The following UNC5D variants were observed in gnomAD, a reference collection of about 807,000 sequenced individuals.
The protein encoded by UNC5D is netrin receptor UNC5D.
A neutral mutation model predicts 105.4 loss-of-function variants in UNC5D; 39 were observed. That is an observed-to-expected ratio of 0.37 (90% CI 0.29 to 0.48). UNC5D has a LOEUF of 0.48. UNC5D is among the 20% of genes least tolerant of loss of function. The probability of loss-of-function intolerance (pLI) is 0.98; values close to 1 mark genes in which losing one functional copy is unlikely to be tolerated. For missense variants in UNC5D, 991 were observed against 1,202.4 expected, an observed-to-expected ratio of 0.82 and a Z score of 2.60; for synonymous variants, 452 against 450.4, an observed-to-expected ratio of 1.00 and a Z score of -0.04.
At chr8:35,609,272 A>T (rs761605761) in intron 4 of UNC5D, among the ~76,000 whole-genome samples, 1 of 152,158 alleles carries the variant, frequency 6.6e-6, no homozygotes, top group Non-Finnish European at 1.5e-5. Context: ...GTATAACATC[A>T]TCTTAATGTG....
At chr8:35,672,245 A>G (rs1311833596) in intron 4 of UNC5D, among the ~76,000 whole-genome samples, 1 of 152,208 alleles carries the variant, frequency 6.6e-6, no homozygotes, top group Non-Finnish European at 1.5e-5. Flanking sequence ...GGTAACAGGA[A>G]CAAGAAATGA....
rs377021140 is a variant in UNC5D, at chr8:35,504,313, C to T, written c.104-44979C>T. Among the ~76,000 whole-genome samples the T allele has an allele frequency of 5.3e-5, 8 of 152,150 alleles. No homozygotes were observed. In the South Asian group the frequency reaches 1.7e-3, roughly 32 times the overall value. On this transcript the variant is annotated intron_variant, in intron 1 of 16. Coordinates refer to ENST00000404895, the MANE Select transcript of UNC5D (RefSeq NM_080872.4). ...TTGTAATTTGAAAAAATGACAGCCTCATAGCTATGTGAGGCTAATTAAAAG... is the reference window on the plus strand; with the variant it reads ...TTGTAATTTGAAAAAATGACAGCCTTATAGCTATGTGAGGCTAATTAAAAG...
chr8:35,462,373 T>G (rs892682478), intron 1 of UNC5D, among the ~76,000 whole-genome samples: 8 of 152,184 alleles, frequency 5.3e-5, no homozygotes, highest in Non-Finnish European at 1.0e-4. Context: ...TCTCATAATT[T>G]ATAAATATGG....
At chr8:35,516,482 GC>G (rs1448056205) in intron 1 of UNC5D, among the ~76,000 whole-genome samples, 1 of 152,196 alleles carries the variant, frequency 6.6e-6, no homozygotes, top group African/African-American at 2.4e-5. Context: ...TATGTTGAGG[GC>G]TTTGACAATC....
intron 1 of UNC5D, among the ~76,000 whole-genome samples, chr8:35,241,706 C>T (rs780484582): frequency 8.0e-4 from 119 of 149,150 alleles, no homozygotes; most frequent in African/African-American, 2.1e-3. Context: ...TTAAAATTGA[C>T]GCATAGTACA....
chr8:35,431,193 T>G (rs1806608479), intron 1 of UNC5D, among the ~76,000 whole-genome samples: 1 of 152,196 alleles, frequency 6.6e-6, no homozygotes, highest in Admixed American at 6.6e-5. Context: ...TGTTTAAATA[T>G]TTCCCTGTAA....
intron 1 of UNC5D, among the ~76,000 whole-genome samples, chr8:35,448,235 T>G (rs1249779363): frequency 6.6e-6 from 1 of 152,046 alleles, no homozygotes; most frequent in Non-Finnish European, 1.5e-5. Context: ...TTTTGACCAG[T>G]GGGGTTTGGG....
chr8:35,788,766 TA>T (rs1306481109), intron 16 of UNC5D, among the ~76,000 whole-genome samples: 8 of 150,774 alleles, frequency 5.3e-5, no homozygotes, highest in Admixed American at 5.3e-4. Flanking sequence ...AGTACAAACA[TA>T]AAAAGAGTTC....
At chr8:35,384,966 G>C (rs1803292017) in intron 1 of UNC5D, among the ~76,000 whole-genome samples, 2 of 152,122 alleles carry the variant, frequency 1.3e-5, no homozygotes, top group South Asian at 2.1e-4. Flanking sequence ...AAGTTGAGGT[G>C]GGGGAACATC....
At chr8:35,280,082 G>A (rs1029234505) in intron 1 of UNC5D, among the ~76,000 whole-genome samples, 1 of 151,934 alleles carries the variant, frequency 6.6e-6, no homozygotes, top group Admixed American at 6.6e-5. Flanking sequence ...TGAGACCTCC[G>A]CCTCCTAGGT....
intron 2 of UNC5D, among the ~76,000 whole-genome samples, chr8:35,560,978 G>T (rs1816914708): frequency 6.6e-6 from 1 of 152,112 alleles, no homozygotes; most frequent in South Asian, 2.1e-4. Flanking sequence ...TCATAGTAGG[G>T]TGCCCTGGTC....
chr8:35,317,883 A>G (rs1467047709), intron 1 of UNC5D, among the ~76,000 whole-genome samples: 2 of 152,068 alleles, frequency 1.3e-5, no homozygotes, highest in Admixed American at 6.6e-5. Flanking sequence ...AGACAAGACA[A>G]CTTAGTTCTT....
intron 7 of UNC5D, among the ~76,000 whole-genome samples, chr8:35,690,198 A>T (rs553779296): frequency 4.6e-5 from 7 of 152,312 alleles, no homozygotes; most frequent in Admixed American, 3.9e-4. Flanking sequence ...GTTTTGAAGG[A>T]GAAAGGGTGA....
At chr8:35,742,503 T>C (rs748428547) in intron 11 of UNC5D, among the ~76,000 whole-genome samples, 6 of 152,074 alleles carry the variant, frequency 3.9e-5, no homozygotes, top group Non-Finnish European at 7.4e-5. Context: ...CTATCATTAC[T>C]CTCCTGCCTG....
At position 35,749,989 on chromosome 8, in the gene UNC5D, T is replaced by TAAAAAAAAAAAAAAA. The variant is rs11380512; in HGVS notation, c.1936-581_1936-580insAAAAAAAAAAAAAAA. ...TTTAAAGAGTTGTCAGAAATAGTTG[T>TAAAAAAAAAAAAAAA]AAAAAAAAAAAAGTTTGCTTATTGA... On this transcript the variant is annotated intron_variant, in intron 12 of 16. Coordinates refer to ENST00000404895, the MANE Select transcript of UNC5D (RefSeq NM_080872.4). Among the ~76,000 whole-genome samples the TAAAAAAAAAAAAAAA allele has an allele frequency of 6.2e-3, 854 of 136,664 alleles. 44 individuals are homozygous for TAAAAAAAAAAAAAAA. Among genetic ancestry groups the TAAAAAAAAAAAAAAA allele is most frequent in the African/African-American group, 0.026 (781 of 29,708 alleles). The allele number at this position is 136,664 out of a possible 152,430, so 89.7% of individuals were successfully genotyped here. A position where few individuals can be genotyped will look rare whatever the true frequency, so the allele number is the denominator to read the frequency against.
intron 1 of UNC5D, chr8:35,254,936 A>G (rs961243313): frequency 6.6e-6 from 1 of 152,236 alleles, no homozygotes; most frequent in African/African-American, 2.4e-5. Context: ...GAAATTTCAA[A>G]TGAGCTTATA....
intron 1 of UNC5D, among the ~76,000 whole-genome samples, chr8:35,439,332 C>T (rs968347898): frequency 6.6e-5 from 10 of 151,976 alleles, no homozygotes; most frequent in African/African-American, 2.2e-4. Flanking sequence ...TTGGGATGTT[C>T]TCCGTTGACA....
Position 35,339,742 on chromosome 8 carries a change from GAGGAAAAGC to G in UNC5D, c.103+103859_103+103867del, listed in dbSNP as rs1299535241. Among the ~76,000 whole-genome samples, 3 of 152,208 alleles carry G rather than the reference GAGGAAAAGC, an allele frequency of 2.0e-5. No individual in the cohort carries two copies. The East Asian group carries it at 5.8e-4, about 29-fold the overall frequency. On this transcript the variant is annotated intron_variant, in intron 1 of 16. Coordinates refer to ENST00000404895, the MANE Select transcript of UNC5D (RefSeq NM_080872.4). ...AGAACTCCAGAGACAGAGTTGTTTG[GAGGAAAAGC>G]AGGTTTATCTGGGGAGCCAGCACAC...
At chr8:35,568,741 A>G (rs1563544203) in intron 3 of UNC5D, among the ~76,000 whole-genome samples, 1 of 152,206 alleles carries the variant, frequency 6.6e-6, no homozygotes, top group Non-Finnish European at 1.5e-5. Flanking sequence ...TACATTCAGC[A>G]AATTAGTTTG....
Sources: gnomAD v4.1 joint callset for allele counts (sites outside exome capture counted in the v4.1 genomes callset) on GRCh38, gnomAD v4.1.1 for gene constraint, MANE v1.5 for transcripts, NCBI Gene and HGNC (gene_info 2026-07-23, HGNC 2026-07-21) for gene names.